The following PTPRN2 variants were observed in gnomAD, a reference collection of about 807,000 sequenced individuals.
PTPRN2 encodes the protein receptor-type tyrosine-protein phosphatase N2.
PTPRN2 carries 74 observed loss-of-function variants against 118.8 expected under a neutral mutation model. The observed-to-expected ratio is 0.62, with a 90% CI of 0.52 to 0.76. The LOEUF (loss-of-function observed/expected upper bound fraction) is 0.76. Among genes scored for constraint, PTPRN2 ranks in the 30% least tolerant of loss-of-function variants. PTPRN2 has a pLI of 0.00. For missense variants in PTPRN2, 1,481 were observed against 1,394.4 expected (o/e 1.06, Z -0.99); for synonymous variants, 641 against 608.0 (o/e 1.05, Z -0.80).
chr7:157,834,856 C>A (rs1446262834), intron 12 of PTPRN2, among the ~76,000 whole-genome samples: 1 of 152,160 alleles, frequency 6.6e-6, no homozygotes, highest in Non-Finnish European at 1.5e-5. Flanking sequence ...AGCACCGGAC[C>A]CAGCTTTCAA....
At chr7:158,553,604 TTAG>T (rs1826800844) in intron 1 of PTPRN2, among the ~76,000 whole-genome samples, 5 of 151,772 alleles carry the variant, frequency 3.3e-5, no homozygotes, top group African/African-American at 1.2e-4. Flanking sequence ...ACACAGAGGC[TTAG>T]GAGTCTACAC....
Position 157,953,224 on chromosome 7 carries a change from C to T in PTPRN2, c.1724-54487G>A, listed in dbSNP as rs187963306. Among the ~76,000 whole-genome samples, 2 of 152,266 alleles carry T rather than the reference C, an allele frequency of 1.3e-5. No individual in the cohort carries two copies. The highest frequency in any genetic ancestry group is 1.9e-4 in the East Asian group (1 of 5,172). On this transcript the variant is annotated intron_variant, in intron 11 of 22. Coordinates refer to ENST00000389418, the MANE Select transcript of PTPRN2 (RefSeq NM_002847.5). The surrounding 1 kb of genome is among the most constrained non-coding windows in gnomAD (Gnocchi z 4.6). ...TCCCCAGCAGCTCTGGGGAGGGCTC[C>T]GTGTTCAATATGTGATGAGCTTTCG...
intron 11 of PTPRN2, among the ~76,000 whole-genome samples, chr7:158,044,583 G>A (rs533657076): frequency 1.3e-5 from 2 of 151,768 alleles, no homozygotes; most frequent in African/African-American, 4.9e-5. Context: ...TCGGGGCCTC[G>A]ATCATTTGTA....
chr7:157,776,764 A>C (rs115660844), intron 12 of PTPRN2, among the ~76,000 whole-genome samples: 61 of 1,046 alleles, frequency 0.058, no homozygotes, highest in South Asian at 0.083. Flanking sequence ...CTCTCCTCCT[A>C]CCTTTCCTCC....
chr7:158,097,042 G>A (rs1339412007), intron 10 of PTPRN2, among the ~76,000 whole-genome samples: 1 of 152,176 alleles, frequency 6.6e-6, no homozygotes, highest in Non-Finnish European at 1.5e-5. Flanking sequence ...CCAACCCAGG[G>A]AATGAAGGAC....
chr7:158,177,153 CT>C (rs1345894798), intron 5 of PTPRN2, among the ~76,000 whole-genome samples: 2 of 152,210 alleles, frequency 1.3e-5, no homozygotes, highest in African/African-American at 2.4e-5. Context: ...ACAGACGTAT[CT>C]TTAGCCTTTA....
intron 12 of PTPRN2, among the ~76,000 whole-genome samples, chr7:157,833,829 C>G (rs1807750176): frequency 6.6e-6 from 1 of 152,228 alleles, no homozygotes; most frequent in Non-Finnish European, 1.5e-5. Flanking sequence ...GAGTAACAAG[C>G]CGCTCATTTC....
At chr7:158,312,775 ACACACG>A (rs1439057961) in intron 3 of PTPRN2, among the ~76,000 whole-genome samples, 1 of 87,494 alleles carries the variant, frequency 1.1e-5, no homozygotes, top group Non-Finnish European at 2.7e-5. Flanking sequence ...GTAGATACCC[ACACACG>A]CACACACACC....
intron 12 of PTPRN2, among the ~76,000 whole-genome samples, chr7:157,758,634 G>T (rs1801951293): frequency 6.6e-6 from 1 of 152,228 alleles, no homozygotes; most frequent in African/African-American, 2.4e-5. Flanking sequence ...GTCCCTGGAG[G>T]ACGGGACTGG....
intron 12 of PTPRN2, among the ~76,000 whole-genome samples, chr7:157,684,990 C>A (rs1797104192): frequency 6.6e-6 from 1 of 151,934 alleles, no homozygotes; most frequent in Non-Finnish European, 1.5e-5. Context: ...ACCCCAGGGT[C>A]CATGTTCGCC....
intron 3 of PTPRN2, among the ~76,000 whole-genome samples, chr7:158,279,063 C>G (rs1249670360): frequency 2.0e-5 from 3 of 152,174 alleles, no homozygotes; most frequent in Non-Finnish European, 4.4e-5. Context: ...TTACTGTGAA[C>G]AGCAAAAAAA....
At chr7:157,935,868 AG>A (rs1307086059) in intron 11 of PTPRN2, among the ~76,000 whole-genome samples, 1 of 144,628 alleles carries the variant, frequency 6.9e-6, no homozygotes, top group Non-Finnish European at 1.5e-5. Flanking sequence ...TCGCTCCCTC[AG>A]GGGGGTCTAG....
chr7:158,293,387 C>T (rs1289834628), intron 3 of PTPRN2, among the ~76,000 whole-genome samples: 1 of 152,018 alleles, frequency 6.6e-6, no homozygotes, highest in Non-Finnish European at 1.5e-5. Context: ...ACCAGCCTGG[C>T]CAACATGGTT....
intron 11 of PTPRN2, among the ~76,000 whole-genome samples, chr7:158,054,635 C>T (rs572893705): frequency 5.1e-4 from 78 of 152,310 alleles, no homozygotes; most frequent in African/African-American, 1.7e-3. Flanking sequence ...GGCCCTTTGG[C>T]GGGCCCAGTA....
chr7:158,130,568 T>A, intron 9 of PTPRN2, among the ~76,000 whole-genome samples: 1 of 147,920 alleles, frequency 6.8e-6, no homozygotes, highest in South Asian at 2.1e-4. Context: ...TACACTCATA[T>A]ACACACATGC....
chr7:158,188,703 C>G (rs71545571), intron 5 of PTPRN2, among the ~76,000 whole-genome samples: 1 of 123,040 alleles, frequency 8.1e-6, no homozygotes, highest in South Asian at 2.8e-4. Flanking sequence ...GCCGCCACGC[C>G]CGCCCCCTGT....
intron 12 of PTPRN2, among the ~76,000 whole-genome samples, chr7:157,749,444 A>G (rs1249544494): frequency 3.4e-5 from 3 of 87,810 alleles, no homozygotes; most frequent in Admixed American, 1.2e-4. Context: ...CAGGCTGTTG[A>G]GGTGATTCTG....
At chr7:158,183,822 G>A (rs918291187) in intron 5 of PTPRN2, among the ~76,000 whole-genome samples, 8 of 152,086 alleles carry the variant, frequency 5.3e-5, no homozygotes, top group African/African-American at 1.9e-4. Flanking sequence ...AGGTTCTGTG[G>A]TTTCTTTTAG....
intron 2 of PTPRN2, among the ~76,000 whole-genome samples, chr7:158,398,317 G>A (rs940921829): frequency 6.6e-6 from 1 of 152,152 alleles, no homozygotes; most frequent in Non-Finnish European, 1.5e-5. Context: ...CACTGAAAAC[G>A]GTCCCCTTTC....
Sources: gnomAD v4.1 joint callset for allele counts (sites outside exome capture counted in the v4.1 genomes callset) on GRCh38, gnomAD v4.1.1 for gene constraint, Gnocchi (gnomAD v3.1) non-coding constraint, MANE v1.5 for transcripts, NCBI Gene and HGNC (gene_info 2026-07-23, HGNC 2026-07-21) for gene names.